Variants in NUP188 observed in about 807,000 individuals in gnomAD.
The protein encoded by NUP188 is nucleoporin 188, also known as nucleoporin NUP188.
NUP188 carries 97 observed loss-of-function variants against 223.0 expected under a neutral mutation model. That is an observed-to-expected ratio of 0.43 (90% CI 0.37 to 0.51). NUP188 has a LOEUF of 0.51. NUP188 is among the 20% of genes least tolerant of loss of function. The probability of loss-of-function intolerance (pLI) is 0.00; values close to 1 mark genes in which losing one functional copy is unlikely to be tolerated. For missense variants in NUP188, 1,947 were observed against 2,175.6 expected, an observed-to-expected ratio of 0.89 and a Z score of 2.09; for synonymous variants, 869 against 828.0, an observed-to-expected ratio of 1.05 and a Z score of -0.85.
In NUP188 at chr9:128,956,454, C is replaced by A; in HGVS notation, c.246+20C>A. On this transcript the variant is annotated intron_variant, in intron 4 of 43. Coordinates refer to ENST00000372577, the MANE Select transcript of NUP188 (RefSeq NM_015354.3). The stretch of plus-strand genomic sequence containing the variant: ...TTTTTGGTGAGTAAAAATTAGCACT[C>A]GCTCAATTTATTACTTGCAGTGTGG... 2.2e-6 allele frequency: 3 copies of A among 1,361,368 alleles called. No individual in the cohort carries two copies. Among genetic ancestry groups the A allele is most frequent in the Non-Finnish European group, 3.1e-6 (3 of 979,520 alleles). 84.3% of individuals were successfully genotyped at this position (1,361,368 alleles called of 1,614,324 possible). A position where few individuals can be genotyped will look rare whatever the true frequency, so the allele number is the denominator to read the frequency against.
chr9:128,978,440 G>A (rs1398670692), intron 12 of NUP188, among the ~76,000 whole-genome samples: 1 of 150,544 alleles, frequency 6.6e-6, no homozygotes, highest in East Asian at 2.0e-4. Context: ...GCAGGCGCCT[G>A]TAGTCCCAGC....
chr9:128,947,710 G>C lies in NUP188; in HGVS notation c.-10G>C. On this transcript the variant is annotated 5_prime_UTR_variant, in exon 1 of 44. Transcript: ENST00000372577. ...CTGGGGGCGGGGTTAGGGCGAGCGG[G>C]CGCGCGAAGATGGCGGCGGCCGCCG... The C allele has an allele frequency of 6.8e-7, 1 of 1,470,840 alleles. No individual in the cohort carries two copies. The highest frequency in any genetic ancestry group is 9.0e-7 in the Non-Finnish European group (1 of 1,113,828). The allele number at this position is 1,470,840 out of a possible 1,614,324, so 91.1% of individuals were successfully genotyped here. A position where few individuals can be genotyped will look rare whatever the true frequency, so the allele number is the denominator to read the frequency against.
rs139806593 is a variant in NUP188, at chr9:129,001,571, G to A, written c.3886G>A (p.Val1296Ile). ...GLHLAKELCEVDEDGDSWLQV... is the reference protein window; with the variant it reads ...GLHLAKELCEIDEDGDSWLQV... ...GCACCTGGCCAAGGAGCTGTGTGAG[G>A]TAGACGAGGATGGTGACTCCTGGCT... is the stretch of plus-strand genomic sequence containing the variant. Residue 1296 changes from valine to isoleucine, a missense_variant, in exon 35 of 44, where the codon GTA (valine) becomes ATA (isoleucine). Coordinates refer to ENST00000372577, the MANE Select transcript of NUP188 (RefSeq NM_015354.3). 15 of 1,613,910 alleles carry A rather than the reference G, an allele frequency of 9.3e-6. No individual in the cohort carries two copies. Among genetic ancestry groups the A allele is most frequent in the African/African-American group, 1.3e-5 (1 of 74,878 alleles).
intron 36 of NUP188, 96 bp downstream of exon 36, chr9:129,002,072 C>T (rs1842681595): frequency 2.1e-6 from 2 of 965,634 alleles, no homozygotes; most frequent in Non-Finnish European, 3.3e-6. Flanking sequence ...AGTTGCTTTC[C>T]TCTAAATTGC....
chr9:129,001,829 C>G (rs1842674913), intron 35 of NUP188, 55 bp from the exon 36 acceptor site: 3 of 1,586,642 alleles, frequency 1.9e-6, no homozygotes, highest in Non-Finnish European at 2.6e-6. Context: ...CCCTACCTAC[C>G]CTAGGCAGGG....
At chr9:128,999,452 C>A in intron 33 of NUP188, 135 bp downstream of exon 33, 1 of 1,312,444 alleles carries the variant, frequency 7.6e-7, no homozygotes, top group Non-Finnish European at 1.0e-6. Flanking sequence ...ATTCTTACCC[C>A]AAGAAAGCTA....
intron 16 of NUP188, 79 bp downstream of exon 16, chr9:128,982,780 A>G (rs914373250): frequency 1.9e-6 from 3 of 1,588,402 alleles, no homozygotes; most frequent in African/African-American, 1.3e-5. Flanking sequence ...TAGAATATCT[A>G]CATAAAATTT....
chr9:128,978,703 C>CA lies in NUP188; in HGVS notation c.1204-558dup, dbSNP rs565522054. Among the ~76,000 whole-genome samples the CA allele has an allele frequency of 2.6e-5, 4 of 151,954 alleles. No individual in the cohort carries two copies. In the South Asian group the frequency reaches 8.3e-4, roughly 32 times the overall value. The stretch of plus-strand genomic sequence containing the variant: ...GTCAACCAACCCATCCACCCTTAAG[C>CA]AGTTTTTTTGTTTGTTTGTTTTTTG... On this transcript the variant is annotated intron_variant, in intron 12 of 43. Transcript: ENST00000372577.
rs1344812045 is a variant in NUP188 at position 128,969,496 on chromosome 9, G to T, written c.894G>T (p.Gln298His). The T allele has an allele frequency of 1.3e-6, 2 of 1,566,832 alleles. No homozygotes were observed. The highest frequency in any genetic ancestry group is 1.2e-5 in the South Asian group (1 of 84,336). ...GAAGAGAACTGCATCAGTTTGCGCAGGATGGGCTTATTTGTCAGGTGACTT... is the reference window on the plus strand; with the variant it reads ...GAAGAGAACTGCATCAGTTTGCGCATGATGGGCTTATTTGTCAGGTGACTT... ...DDRRELHQFA[Q>H]DGLICQDMDC... The change falls in exon 10 of 44, where the codon CAG (glutamine) becomes CAT (histidine). Residue 298 changes from glutamine to histidine, a missense_variant. Physicochemically the swap from Gln to His is conservative, Grantham distance 24. This residue lies in a region of NUP188 where 817 missense variants were observed against 865.8 expected (regional missense o/e 0.94). Coordinates refer to ENST00000372577, the MANE Select transcript of NUP188 (RefSeq NM_015354.3).
rs760350240 is a variant in NUP188 at position 129,006,487 on chromosome 9, CT to C, written c.5074-8del. The C allele has an allele frequency of 2.5e-6, 4 of 1,611,788 alleles. No homozygotes were observed. Among genetic ancestry groups the C allele is most frequent in the Middle Eastern group, 1.6e-4 (1 of 6,064 alleles). On this transcript the variant is annotated splice_polypyrimidine_tract_variant and intron_variant, in intron 43 of 43. Coordinates refer to ENST00000372577, the MANE Select transcript of NUP188 (RefSeq NM_015354.3). Reference sequence around the variant, plus strand: ...AGATGTGCTGAGCCTCACCAAGCCACTTTTTTTCTTGTAGAGCACGCTGCTG... The same window carrying C: ...AGATGTGCTGAGCCTCACCAAGCCACTTTTTTCTTGTAGAGCACGCTGCTG...
intron 14 of NUP188, 36 bp from the exon 15 acceptor site, chr9:128,981,228 G>GA: frequency 6.2e-7 from 1 of 1,606,828 alleles, no homozygotes; most frequent in Non-Finnish European, 8.5e-7. Context: ...GCTTATCCTG[G>GA]AGGGAAATGT....
intron 12 of NUP188, 69 bp from the exon 13 acceptor site, chr9:128,979,193 A>G: frequency 8.6e-7 from 1 of 1,168,208 alleles, no homozygotes; most frequent in Non-Finnish European, 1.3e-6. Context: ...ATTTCAACAG[A>G]ATACAATAAT....
intron 29 of NUP188, 47 bp from the exon 30 acceptor site, chr9:128,995,272 C>T: frequency 6.8e-7 from 1 of 1,478,348 alleles, no homozygotes. Context: ...CATTATATTC[C>T]CATCTGCTTT....
intron 30 of NUP188, among the ~76,000 whole-genome samples, chr9:128,996,036 G>T (rs769960418): frequency 2.6e-5 from 4 of 152,126 alleles, no homozygotes; most frequent in Non-Finnish European, 5.9e-5. Flanking sequence ...TTGAGAGAGA[G>T]AGATAACATC....
chr9:129,003,663 G>A (rs1006402101), intron 38 of NUP188: 1 of 674,510 alleles, frequency 1.5e-6, no homozygotes, highest in Admixed American at 2.4e-5. Context: ...TAAGAATTTG[G>A]ACTTTTATCA....
Position 128,999,632 on chromosome 9 carries a change from A to G in NUP188, c.3670A>G (p.Ile1224Val), listed in dbSNP as rs1842602769. The change falls in exon 34 of 44, where the codon ATC becomes GTC. Residue 1224 changes from isoleucine to valine, a missense_variant. Coordinates refer to ENST00000372577, the MANE Select transcript of NUP188 (RefSeq NM_015354.3). ...LQMKEMKVSD[I>V]PQYSQLVLNV... The stretch of plus-strand genomic sequence containing the variant: ...CCCTGTCTATTCTACAGTAAGTGAC[A>G]TCCCCCAGTACTCCCAGCTGGTGCT... The G allele has an allele frequency of 6.2e-7, 1 of 1,613,956 alleles. No individual in the cohort carries two copies. Among genetic ancestry groups the G allele is most frequent in the Non-Finnish European group, 8.5e-7 (1 of 1,180,014 alleles).
chr9:129,006,001 G>A, intron 41 of NUP188, 49 bp from the exon 42 acceptor site: 2 of 1,581,386 alleles, frequency 1.3e-6, no homozygotes, highest in Non-Finnish European at 1.7e-6. Flanking sequence ...CTCTCAGTAA[G>A]TGGGAGCTGT....
At chr9:128,962,248 CTT>C (rs1227664142) in intron 8 of NUP188, among the ~76,000 whole-genome samples, 15 of 132,132 alleles carry the variant, frequency 1.1e-4, no homozygotes, top group East Asian at 4.4e-4. Flanking sequence ...ACACCATACT[CTT>C]TTTTTTTTTT....
At chr9:128,980,824 T>TGTG in intron 14 of NUP188, 99 bp downstream of exon 14, 2 of 1,272,744 alleles carry the variant, frequency 1.6e-6, no homozygotes, top group Non-Finnish European at 2.2e-6. Flanking sequence ...TCTACTGCCA[T>TGTG]GACAAAAGTT....
Sources: allele counts gnomAD v4.1 joint callset (sites outside exome capture counted in the v4.1 genomes callset), GRCh38; gene constraint gnomAD v4.1.1; regional missense constraint gnomAD v4.1.1; transcripts MANE v1.5; gene names NCBI Gene and HGNC (gene_info 2026-07-23, HGNC 2026-07-21).